Variants in DHRSX observed in about 807,000 individuals in gnomAD.
DHRSX encodes dehydrogenase/reductase X-linked.
DHRSX carries 31 observed loss-of-function variants against 34.0 expected under a neutral mutation model. The ratio of observed to expected loss-of-function variants is 0.91; its 90% CI spans 0.69 to 1.23. The LOEUF is 1.23. Among genes scored for constraint, DHRSX ranks in the 50% most tolerant of loss-of-function variants. The pLI is 0.00. For synonymous variants in DHRSX, 201 were observed against 183.8 expected, an observed-to-expected ratio of 1.09 and a Z score of -0.76; for missense variants, 414 against 428.1, an observed-to-expected ratio of 0.97 and a Z score of 0.29.
chrX:2,282,796 A>AGAGAAG (rs1569483508), intron 4 of DHRSX, among the ~76,000 whole-genome samples: 1 of 47,442 alleles, frequency 2.1e-5, no homozygotes, highest in Non-Finnish European at 5.0e-5. Context: ...GAGAGAGAAG[A>AGAGAAG]AAGAGAGAAG....
At chrX:2,415,484 C>A (rs1488025136) in intron 2 of DHRSX, among the ~76,000 whole-genome samples, 2 of 152,038 alleles carry the variant, frequency 1.3e-5, no homozygotes, top group Non-Finnish European at 2.9e-5. Context: ...ACAACTAGAT[C>A]TCATCATGAC....
intron 1 of DHRSX, among the ~76,000 whole-genome samples, chrX:2,457,686 A>G (rs35549446): frequency 0.26 from 39,145 of 148,238 alleles, 5,530 homozygotes; most frequent in African/African-American, 0.35. Context: ...ATGTGGTTAA[A>G]GGACTGCCGC....
At chrX:2,465,021 A>C (rs1324315298) in intron 1 of DHRSX, among the ~76,000 whole-genome samples, 1 of 151,496 alleles carries the variant, frequency 6.6e-6, no homozygotes, top group East Asian at 1.9e-4. Context: ...GTTCCCTAAG[A>C]ATGCAGTCAC....
In DHRSX at chrX:2,294,622, G is replaced by A. The variant is rs183239268; in HGVS notation, c.287-3019C>T. ...GGAGGTTGCAGTAAGCCGAGGTCGC[G>A]CCACTGCACTCCAGCCTGGGTGACA... On this transcript the variant is annotated intron_variant, in intron 3 of 6. Coordinates refer to ENST00000334651, the MANE Select transcript of DHRSX (RefSeq NM_145177.3). Among the ~76,000 whole-genome samples, 258 of 148,876 alleles carry A rather than the reference G, an allele frequency of 1.7e-3. 13 individuals are homozygous for A. The South Asian group carries it at 0.052, about 30-fold the overall frequency.
intron 3 of DHRSX, among the ~76,000 whole-genome samples, chrX:2,381,015 A>C (rs2043196065): frequency 6.6e-6 from 1 of 151,932 alleles, no homozygotes; most frequent in Admixed American, 6.6e-5. Context: ...ACAGGTGTGC[A>C]CCACCACACC....
chrX:2,499,968 A>G (rs2045375422), intron 1 of DHRSX, among the ~76,000 whole-genome samples: 1 of 152,180 alleles, frequency 6.6e-6, no homozygotes. Context: ...GCTTGAGCCC[A>G]GGAGTTCGAG....
chrX:2,356,241 G>A (rs971305537), intron 3 of DHRSX, among the ~76,000 whole-genome samples: 1 of 151,986 alleles, frequency 6.6e-6, no homozygotes, highest in South Asian at 2.1e-4. Flanking sequence ...TGGGTGTGGT[G>A]GTGGGCACCT....
chrX:2,324,046 G>C (rs762879183), intron 3 of DHRSX, among the ~76,000 whole-genome samples: 87 of 124,060 alleles, frequency 7.0e-4, no homozygotes, highest in Non-Finnish European at 1.3e-3. Context: ...AACAGATGGA[G>C]ACCCTGTCTG....
intron 3 of DHRSX, among the ~76,000 whole-genome samples, chrX:2,385,004 G>A (rs182372568): frequency 0.061 from 9,197 of 151,800 alleles, 628 homozygotes; most frequent in African/African-American, 0.17. Context: ...TCGGGAGGCT[G>A]AGGCAGGAGA....
chrX:2,372,668 G>A (rs1353892119), intron 3 of DHRSX, among the ~76,000 whole-genome samples: 1 of 151,578 alleles, frequency 6.6e-6, no homozygotes, highest in Admixed American at 6.6e-5. Flanking sequence ...GAGTGCAATG[G>A]CGCAACCTCG....
intron 1 of DHRSX, chrX:2,486,808 T>G (rs1188415041): frequency 6.6e-6 from 1 of 152,226 alleles, no homozygotes; most frequent in Non-Finnish European, 1.5e-5. Context: ...TACGTGGATT[T>G]CTCCCGTGCT....
chrX:2,340,671 G>A (rs1360658518), intron 3 of DHRSX, among the ~76,000 whole-genome samples: 18 of 152,212 alleles, frequency 1.2e-4, no homozygotes, highest in Middle Eastern at 3.4e-3. Context: ...AATAATAAAA[G>A]CCACAGTCTT....
At chrX:2,377,327 C>A (rs56182636) in intron 3 of DHRSX, among the ~76,000 whole-genome samples, 1 of 151,340 alleles carries the variant, frequency 6.6e-6, no homozygotes, top group South Asian at 2.1e-4. Flanking sequence ...ACTTGTTTTC[C>A]TGCAACTAGA....
chrX:2,414,160 A>G (rs1464765139), intron 2 of DHRSX, among the ~76,000 whole-genome samples: 2 of 151,970 alleles, frequency 1.3e-5, no homozygotes, highest in Non-Finnish European at 2.9e-5. Flanking sequence ...GACTATGACT[A>G]GATTTCATCA....
At chrX:2,408,602 C>T in intron 3 of DHRSX, 143 bp downstream of exon 3, 1 of 713,354 alleles carries the variant, frequency 1.4e-6, no homozygotes, top group Non-Finnish European at 2.4e-6. Context: ...GCCAGAAATC[C>T]CCAAAAGAAG....
At chrX:2,389,085 C>A (rs1466483745) in intron 3 of DHRSX, among the ~76,000 whole-genome samples, 4 of 152,176 alleles carry the variant, frequency 2.6e-5, no homozygotes, top group African/African-American at 9.7e-5. Context: ...CACTCGGCAA[C>A]GCTACAAGAC....
intron 1 of DHRSX, chrX:2,488,650 G>A: frequency 6.2e-7 from 1 of 1,605,912 alleles, no homozygotes; most frequent in Non-Finnish European, 8.5e-7. Flanking sequence ...GGAAGCTGCT[G>A]TCCCTAATGC....
intron 3 of DHRSX, among the ~76,000 whole-genome samples, chrX:2,322,702 T>G (rs1455335150): frequency 1.3e-5 from 2 of 149,444 alleles, no homozygotes; most frequent in South Asian, 4.2e-4. Context: ...AAACAGCATT[T>G]TCTTTTCTCT....
At chrX:2,263,943 G>A (rs950649454) in intron 5 of DHRSX, among the ~76,000 whole-genome samples, 5 of 152,226 alleles carry the variant, frequency 3.3e-5, no homozygotes, top group African/African-American at 4.8e-5. Flanking sequence ...AGTACATTGC[G>A]TGTCGACAGG....
Sources: allele counts gnomAD v4.1 joint callset (sites outside exome capture counted in the v4.1 genomes callset), GRCh38; gene constraint gnomAD v4.1.1; transcripts MANE v1.5; gene names NCBI Gene and HGNC (gene_info 2026-07-23, HGNC 2026-07-21).